DST: variants seen among roughly 807,000 people sequenced by gnomAD.
DST encodes the protein dystonin.
DST carries 253 observed loss-of-function variants against 875.2 expected under a neutral mutation model. The ratio of observed to expected loss-of-function variants is 0.29; its 90% CI spans 0.26 to 0.32. DST has a LOEUF of 0.32. Ranked by LOEUF, DST falls within the 10% of genes least tolerant of loss-of-function variation. The pLI, the probability that DST is intolerant of heterozygous loss-of-function variation, is 1.00. For synonymous variants in DST, 3,124 were observed against 3,197.1 expected (o/e 0.98, Z 0.77); for missense variants, 8,287 against 9,111.6 (o/e 0.91, Z 3.68).
intron 4 of DST, among the ~76,000 whole-genome samples, chr6:56,753,772 A>C (rs1017704247): frequency 6.6e-6 from 1 of 152,338 alleles, no homozygotes; most frequent in South Asian, 2.1e-4. Flanking sequence ...CTCTGGAGAA[A>C]ATGTTTAGGA....
chr6:56,808,836 C>T lies in DST; in HGVS notation c.625+42561G>A, dbSNP rs184128192. Among the ~76,000 whole-genome samples, 8 of 152,292 alleles carry T rather than the reference C, an allele frequency of 5.3e-5. No homozygotes were observed. The East Asian group carries it at 1.4e-3, about 26-fold the overall frequency. ...AGAAACTAGACAACATTTCCTCCCACCTGCTGGTATTCTGTGTTTATCAGT... is the reference window on the plus strand; with the variant it reads ...AGAAACTAGACAACATTTCCTCCCATCTGCTGGTATTCTGTGTTTATCAGT... On this transcript the variant is annotated intron_variant, in intron 4 of 103. Transcript: ENST00000680361.
At chr6:56,853,797 T>A (rs1421670383) in intron 3 of DST, among the ~76,000 whole-genome samples, 1 of 152,130 alleles carries the variant, frequency 6.6e-6, no homozygotes, top group Non-Finnish European at 1.5e-5. Flanking sequence ...CATGGACCCA[T>A]GGGTGTTGAC....
intron 69 of DST, among the ~76,000 whole-genome samples, chr6:56,521,412 A>T (rs1433090947): frequency 6.6e-6 from 1 of 151,532 alleles, no homozygotes; most frequent in East Asian, 1.9e-4. Flanking sequence ...TATTTAAATG[A>T]GTGTCCTCAT....
intron 49 of DST, among the ~76,000 whole-genome samples, chr6:56,586,613 GGGTCCCTGACCCCTGACCCCCGA>G (rs2098156220): frequency 6.6e-6 from 1 of 152,094 alleles, no homozygotes; most frequent in South Asian, 2.1e-4. Flanking sequence ...CTCCTCAAGT[GGGTCCCTGACCCCTGACCCCCGA>G]GCAGCCTAAC....
In DST at chr6:56,642,517, CAAAAT is replaced by C. The variant is rs772747118; in HGVS notation, c.1779-19_1779-15del. On this transcript the variant is annotated splice_polypyrimidine_tract_variant and intron_variant, in intron 15 of 103. Transcript: ENST00000680361. ...AACATTTCTAACCTAAAAGATGAGACAAAATAAAATAAAGCTTCTCCCTTTGAAGT... is the reference window on the plus strand; with the variant it reads ...AACATTTCTAACCTAAAAGATGAGACAAAATAAAGCTTCTCCCTTTGAAGT... The C allele has an allele frequency of 1.4e-5, 23 of 1,610,286 alleles. No individual in the cohort carries two copies. The highest frequency in any genetic ancestry group is 1.9e-5 in the Non-Finnish European group (22 of 1,176,698).
intron 2 of DST, among the ~76,000 whole-genome samples, chr6:56,912,840 A>G (rs1799355398): frequency 6.6e-6 from 1 of 152,226 alleles, no homozygotes; most frequent in Non-Finnish European, 1.5e-5. Flanking sequence ...ACGTTTCATT[A>G]ACTAGAACCC....
intron 99 of DST, 101 bp downstream of exon 99, chr6:56,465,977 T>C (rs2094561740): frequency 5.9e-6 from 5 of 850,264 alleles, no homozygotes; most frequent in South Asian, 1.8e-5. Context: ...ACATTCACTA[T>C]TGGAATAAAT....
At chr6:56,921,731 C>A (rs1804338394) in intron 2 of DST, among the ~76,000 whole-genome samples, 1 of 151,988 alleles carries the variant, frequency 6.6e-6, no homozygotes, top group Non-Finnish European at 1.5e-5. Context: ...ATTGAGTGTG[C>A]ATGCTCAAAT....
chr6:56,493,454 C>T (rs2095814071), intron 83 of DST, among the ~76,000 whole-genome samples: 1 of 151,936 alleles, frequency 6.6e-6, no homozygotes, highest in Admixed American at 6.6e-5. Flanking sequence ...CTTTATGCTC[C>T]ATCAGTGATG....
At chr6:56,825,502 T>TAAAAAAAA (rs749148452) in intron 4 of DST, among the ~76,000 whole-genome samples, 3 of 109,304 alleles carry the variant, frequency 2.7e-5, no homozygotes, top group East Asian at 2.7e-4. Flanking sequence ...CAATAAATAC[T>TAAAAAAAA]AAAAAAAAAA....
Position 56,851,462 on chromosome 6 carries a change from G to C in DST, c.560C>G (p.Ser187Trp). 2 of 1,613,936 alleles carry C rather than the reference G, an allele frequency of 1.2e-6. No homozygotes were observed. Among genetic ancestry groups the C allele is most frequent in the Non-Finnish European group, 1.7e-6 (2 of 1,179,890 alleles). Residue 187 changes from serine to tryptophan, a missense_variant, in exon 4 of 104, where the codon TCG becomes TGG. Coordinates refer to ENST00000680361, the MANE Select transcript of DST (RefSeq NM_001374736.1). ...TGAGCCCCCTTGAATCTTTCTTTTC[G>C]ATCTCTCATGTTTAGGCAAATTCCA... Reference protein sequence around the residue: ...LPWNLPKHERSKRKIQGGSVL... With the variant: ...LPWNLPKHERWKRKIQGGSVL...
intron 4 of DST, among the ~76,000 whole-genome samples, chr6:56,824,877 G>T (rs1170566015): frequency 6.6e-6 from 1 of 151,004 alleles, no homozygotes; most frequent in Non-Finnish European, 1.5e-5. Context: ...AGGGAGGTGG[G>T]GGGGTCAGCC....
chr6:56,920,359 C>T (rs1389947130), intron 2 of DST, among the ~76,000 whole-genome samples: 1 of 152,176 alleles, frequency 6.6e-6, no homozygotes, highest in African/African-American at 2.4e-5. Flanking sequence ...GTGTATATAT[C>T]ACCTCTACTT....
At chr6:56,874,964 C>A (rs1419557247) in intron 3 of DST, among the ~76,000 whole-genome samples, 1 of 152,038 alleles carries the variant, frequency 6.6e-6, no homozygotes, top group Non-Finnish European at 1.5e-5. Flanking sequence ...CTATTTGGAA[C>A]CTAAGCCACA....
In DST at chr6:56,609,058, T is replaced by C; in HGVS notation, c.5570A>G (p.Asp1857Gly). Residue 1857 changes from aspartate (D) to glycine (G), a missense_variant, in exon 40 of 104, where the codon GAT (aspartate) becomes GGT (glycine). Around this residue, in one of 10 missense-constraint regions of DST, gnomAD observed 3,138 missense variants for 3,116.6 expected, o/e 1.01. Transcript: ENST00000680361. ...AASPTTIPVLDALAQSMITES... is the reference protein window; with the variant it reads ...AASPTTIPVLGALAQSMITES... The stretch of plus-strand genomic sequence containing the variant: ...TGTTATCATGCTTTGAGCTAGAGCA[T>C]CCAGTACTGGAATTGTGGTAGGTGA... 2 of 1,613,924 alleles carry C rather than the reference T, an allele frequency of 1.2e-6. No individual in the cohort carries two copies. Among genetic ancestry groups the C allele is most frequent in the Non-Finnish European group, 1.7e-6 (2 of 1,179,832 alleles).
chr6:56,530,119 T>C lies in DST; in HGVS notation c.17123A>G (p.Glu5708Gly), dbSNP rs894146699. Residue 5708 changes from glutamate (E) to glycine (G), a missense_variant, in exon 65 of 104, where the codon GAA (glutamate) becomes GGA (glycine). Transcript: ENST00000680361. Reference protein sequence around the residue: ...NKAETRNRQLEGISVVAQQFH... With the variant: ...NKAETRNRQLGGISVVAQQFH... Reference sequence around the variant, plus strand: ...TTGCTGTGCTACCACCGAGATACCTTCCAACTGACGATTCCTACAAATGTG... The same window carrying C: ...TTGCTGTGCTACCACCGAGATACCTCCCAACTGACGATTCCTACAAATGTG... 13 of 1,593,316 alleles carry C rather than the reference T, an allele frequency of 8.2e-6. No individual in the cohort carries two copies. The highest frequency in any genetic ancestry group is 1.0e-5 in the Non-Finnish European group (12 of 1,171,694).
At chr6:56,780,601 A>G (rs1200190661) in intron 4 of DST, among the ~76,000 whole-genome samples, 1 of 151,872 alleles carries the variant, frequency 6.6e-6, no homozygotes, top group Non-Finnish European at 1.5e-5. Flanking sequence ...AATTTGTTGG[A>G]GTTCATTGTA....
Position 56,593,700 on chromosome 6 carries a change from T to C in DST, c.12689A>G (p.Asp4230Gly). The C allele has an allele frequency of 6.2e-7, 1 of 1,610,276 alleles. No homozygotes were observed. Among genetic ancestry groups the C allele is most frequent in the South Asian group, 1.1e-5 (1 of 90,788 alleles). Reference protein sequence around the residue: ...ATHREVQRKLDHATDRFRSLY... With the variant: ...ATHREVQRKLGHATDRFRSLY... Reference sequence around the variant, plus strand: ...AGACCTGAACCGATCAGTAGCATGATCCAACTTGCGCTGCACTTCTCTGTG... The same window carrying C: ...AGACCTGAACCGATCAGTAGCATGACCCAACTTGCGCTGCACTTCTCTGTG... Residue 4230 changes from aspartate to glycine, a missense_variant, in exon 48 of 104, where the codon GAT (aspartate) becomes GGT (glycine). Asp to Gly is a moderately conservative substitution (Grantham distance 94). Around this residue, in one of 10 missense-constraint regions of DST, gnomAD observed 1,513 missense variants for 1,677.8 expected, o/e 0.90. Transcript: ENST00000680361.
chr6:56,828,584 T>C (rs1418384092), intron 4 of DST, among the ~76,000 whole-genome samples: 5 of 152,248 alleles, frequency 3.3e-5, no homozygotes, highest in African/African-American at 1.2e-4. Flanking sequence ...GCAGCTTCTA[T>C]ACACCAGTAA....
Sources: allele counts gnomAD v4.1 joint callset (sites outside exome capture counted in the v4.1 genomes callset), GRCh38; gene constraint gnomAD v4.1.1; regional missense constraint gnomAD v4.1.1; transcripts MANE v1.5; gene names NCBI Gene and HGNC (gene_info 2026-07-23, HGNC 2026-07-21).